The following REXO1 variants were observed in gnomAD, a reference collection of about 807,000 sequenced individuals.
The protein encoded by REXO1 is REX1, RNA exonuclease 1 homolog.
A neutral mutation model predicts 102.6 loss-of-function variants in REXO1; 42 were observed. The ratio of observed to expected loss-of-function variants is 0.41; its 90% CI spans 0.32 to 0.53. The LOEUF is 0.53. Among genes scored for constraint, REXO1 ranks in the 20% least tolerant of loss-of-function variants. The probability of loss-of-function intolerance (pLI) is 0.27; values close to 1 mark genes in which losing one functional copy is unlikely to be tolerated. For synonymous variants in REXO1, 908 were observed against 779.1 expected (o/e 1.17, Z -2.76); for missense variants, 1,819 against 1,732.5 (o/e 1.05, Z -0.89).
Position 1,820,106 on chromosome 19 carries a change from G to A in REXO1, c.2527-49C>T, listed in dbSNP as rs756182299. ...TGAGGCCATGCCTGCCTGGTGCCGG[G>A]GAGCCCCAGCGGTGGGGTCGCCATG... On this transcript the variant is annotated intron_variant, in intron 6 of 15. Coordinates refer to ENST00000170168, the MANE Select transcript of REXO1 (RefSeq NM_020695.4). 4 of 1,581,016 alleles carry A rather than the reference G, an allele frequency of 2.5e-6. No individual in the cohort carries two copies. The Admixed American group carries it at 8.0e-5, about 32-fold the overall frequency.
intron 1 of REXO1, 67 bp downstream of exon 1, chr19:1,848,135 G>A: frequency 3.7e-6 from 3 of 806,352 alleles, no homozygotes; most frequent in Non-Finnish European, 5.0e-6. Context: ...CCCCGGGCGG[G>A]ACCGGGGTGG....
At chr19:1,825,097 C>G (rs904426868) in intron 3 of REXO1, among the ~76,000 whole-genome samples, 2 of 149,578 alleles carry the variant, frequency 1.3e-5, no homozygotes, top group African/African-American at 4.9e-5. Context: ...AGGCAGATCA[C>G]GAGACCAGTC....
intron 7 of REXO1, 31 bp from the exon 8 acceptor site, chr19:1,819,162 G>C: frequency 6.6e-7 from 1 of 1,513,626 alleles, no homozygotes; most frequent in Non-Finnish European, 9.0e-7. Context: ...GGAGGAGGGT[G>C]TGAAGTAGCT....
In REXO1 at chr19:1,817,486, G is replaced by A. The variant is rs535950702; in HGVS notation, c.3091-157C>T. On this transcript the variant is annotated intron_variant, in intron 11 of 15. Transcript: ENST00000170168. ...GGTGAGCAGGTGGGGAAGGGGGCTT[G>A]CCAAGAAGACACAGGGAGGACGGCT... 1.5e-3 allele frequency: 2,254 copies of A among 1,472,848 alleles called. 6 individuals carry two copies. The highest frequency in any genetic ancestry group is 5.6e-3 in the Middle Eastern group (25 of 4,498). The allele number at this position is 1,472,848 out of a possible 1,614,324, so 91.2% of individuals were successfully genotyped here.
intron 1 of REXO1, among the ~76,000 whole-genome samples, chr19:1,828,869 C>T (rs1162244699): frequency 6.6e-6 from 1 of 152,242 alleles, no homozygotes; most frequent in Non-Finnish European, 1.5e-5. Flanking sequence ...GCCTGGGCTG[C>T]GTGACACACA....
Position 1,848,272 on chromosome 19 carries a change from G to C in REXO1, c.87C>G (p.Cys29Trp). The change falls in exon 1 of 16, where the codon TGC becomes TGG. Residue 29 changes from cysteine to tryptophan, a missense_variant. Transcript: ENST00000170168. ...CCCGGGCCCCGCGGTGCCGGAAGTG[G>C]CAGTAGGGCCGCCGGCAGGGCCCCC... The part of the protein sequence containing the change: ...APGGPCRRPY[C>W]HFRHRGARGS... The C allele has an allele frequency of 8.1e-7, 1 of 1,232,480 alleles. No individual in the cohort carries two copies. Among genetic ancestry groups the C allele is most frequent in the Non-Finnish European group, 1.0e-6 (1 of 982,786 alleles). The allele number at this position is 1,232,480 out of a possible 1,614,324, so 76.3% of individuals were successfully genotyped here.
chr19:1,825,808 C>G (rs1327095323), intron 3 of REXO1, 31 bp downstream of exon 3: 2 of 1,191,008 alleles, frequency 1.7e-6, no homozygotes, highest in Non-Finnish European at 2.4e-6. Flanking sequence ...AAAAAAAAGG[C>G]TCCTGCTGGC....
In REXO1 at chr19:1,821,669, G is replaced by C. The variant is rs373259089; in HGVS notation, c.2244C>G (p.Ala748=). The change falls in exon 5 of 16, where the codon GCC becomes GCG. Residue 748 remains alanine, a synonymous_variant. Coordinates refer to ENST00000170168, the MANE Select transcript of REXO1 (RefSeq NM_020695.4). ...TGCCGCTGGCCGCAAGGGTCCTCTTGGCACCTGTGGGGGCTGGCGGGGCAC... is the reference window on the plus strand; with the variant it reads ...TGCCGCTGGCCGCAAGGGTCCTCTTCGCACCTGTGGGGGCTGGCGGGGCAC... ...NPRLAAAPTG[A]KRTLAASGSQ... The C allele has an allele frequency of 6.2e-7, 1 of 1,612,224 alleles. No individual in the cohort carries two copies. The highest frequency in any genetic ancestry group is 1.1e-5 in the South Asian group (1 of 91,012).
Position 1,815,519 on chromosome 19 carries a change from C to T in REXO1, c.*547G>A, listed in dbSNP as rs910778140. The T allele has an allele frequency of 2.4e-5, 8 of 327,004 alleles. No individual in the cohort carries two copies. In the East Asian group the frequency reaches 3.3e-4, roughly 13 times the overall value. 20.3% of individuals were successfully genotyped at this position (327,004 alleles called of 1,614,324 possible). Reference sequence around the variant, plus strand: ...ACAGAGGCGGGTCCAGCCCACACTGCGCTGAGTGTGGCCCTGGCCCCCACT... The same window carrying T: ...ACAGAGGCGGGTCCAGCCCACACTGTGCTGAGTGTGGCCCTGGCCCCCACT... On this transcript the variant is annotated 3_prime_UTR_variant, in exon 16 of 16. Coordinates refer to ENST00000170168, the MANE Select transcript of REXO1 (RefSeq NM_020695.4). The surrounding 1 kb of genome is among the most constrained non-coding windows in gnomAD (Gnocchi z 4.0).
intron 1 of REXO1, among the ~76,000 whole-genome samples, chr19:1,829,450 T>C (rs2069844592): frequency 6.6e-6 from 1 of 151,496 alleles, no homozygotes; most frequent in African/African-American, 2.4e-5. Context: ...TGTTGGCCAG[T>C]CTCGAACTCC....
chr19:1,822,516 A>G (rs571567026), intron 4 of REXO1: 2 of 152,304 alleles, frequency 1.3e-5, no homozygotes, highest in Non-Finnish European at 2.9e-5. Context: ...GCCCTGCGGC[A>G]CTGCCAGCAC....
At chr19:1,818,457 G>C (rs758176521) in intron 10 of REXO1, 25 bp downstream of exon 10, 25 of 1,548,230 alleles carry the variant, frequency 1.6e-5, no homozygotes, top group Non-Finnish European at 2.0e-5. Context: ...GGGTGGGAAG[G>C]GGAAGGACCC....
chr19:1,822,422 G>C (rs901395062), intron 4 of REXO1: 4 of 152,352 alleles, frequency 2.6e-5, no homozygotes, highest in Non-Finnish European at 5.9e-5. Flanking sequence ...CTTCAGGAAC[G>C]GACAGAGAAC....
intron 1 of REXO1, chr19:1,834,810 G>A (rs2069994562): frequency 5.2e-6 from 1 of 192,466 alleles, no homozygotes; most frequent in Admixed American, 5.2e-5. Context: ...ACTCCCGGGT[G>A]GAGGCTGCTA....
At chr19:1,818,350 G>A (rs570467250) in intron 10 of REXO1, 132 bp downstream of exon 10, 46 of 667,282 alleles carry the variant, frequency 6.9e-5, no homozygotes, top group Non-Finnish European at 1.0e-4. Context: ...TGCCAAAGAC[G>A]GTGCAGCCCA....
rs888513508 is a variant in REXO1 at position 1,823,594 on chromosome 19, G to T, written c.2208C>A (p.Ile736=). Residue 736 remains isoleucine, a synonymous_variant, in exon 4 of 16, where the codon ATC becomes ATA. Transcript: ENST00000170168. ...APGEKRRIAH[I]PNPRLAAAPT... ...CACCTGCAGCCAGGCGGGGGTTGGG[G>T]ATGTGGGCGATCCTCCTCTTCTCGC... 2 of 1,322,476 alleles carry T rather than the reference G, an allele frequency of 1.5e-6. No individual in the cohort carries two copies. Among genetic ancestry groups the T allele is most frequent in the Non-Finnish European group, 1.9e-6 (2 of 1,028,342 alleles). The allele number at this position is 1,322,476 out of a possible 1,614,324, so 81.9% of individuals were successfully genotyped here. A position where few individuals can be genotyped will look rare whatever the true frequency, so the allele number is the denominator to read the frequency against.
chr19:1,829,857 G>A lies in REXO1; in HGVS notation c.158-1226C>T, dbSNP rs116121766. Among the ~76,000 whole-genome samples, 1,218 of 152,278 alleles carry A rather than the reference G, an allele frequency of 8.0e-3. 18 individuals carry two copies. The highest frequency in any genetic ancestry group is 0.028 in the African/African-American group (1,167 of 41,546). On this transcript the variant is annotated intron_variant, in intron 1 of 15. Coordinates refer to ENST00000170168, the MANE Select transcript of REXO1 (RefSeq NM_020695.4). Reference sequence around the variant, plus strand: ...GGAGTCTCACCATATTGGCCAGGCTGGCTTTGAACTCGTAGACTCAAGCAA... The same window carrying A: ...GGAGTCTCACCATATTGGCCAGGCTAGCTTTGAACTCGTAGACTCAAGCAA...
Position 1,827,587 on chromosome 19 carries a change from T to A in REXO1, c.1202A>T (p.Asp401Val). The A allele has an allele frequency of 6.3e-7, 1 of 1,592,336 alleles. No homozygotes were observed. The highest frequency in any genetic ancestry group is 8.5e-7 in the Non-Finnish European group (1 of 1,175,990). ...CTCCACAGGCCGCCCTCGGCCCTTG[T>A]CCTTGGTCTTGTCCTTCCCCTGGGC... Reference protein sequence around the residue: ...DGAQGKDKTKDKGRGRPVEKP... With the variant: ...DGAQGKDKTKVKGRGRPVEKP... The change falls in exon 2 of 16, where the codon GAC becomes GTC. Residue 401 changes from aspartate (D) to valine (V), a missense_variant. By Grantham distance (152) the Asp-to-Val change is radical (BLOSUM62 -3). Coordinates refer to ENST00000170168, the MANE Select transcript of REXO1 (RefSeq NM_020695.4).
intron 1 of REXO1, among the ~76,000 whole-genome samples, chr19:1,844,347 T>C (rs756027869): frequency 6.6e-6 from 1 of 152,036 alleles, no homozygotes; most frequent in Non-Finnish European, 1.5e-5. Context: ...ACTGCTGTGG[T>C]AGTGGCCAAG....
Sources: allele counts gnomAD v4.1 joint callset (sites outside exome capture counted in the v4.1 genomes callset), GRCh38; gene constraint gnomAD v4.1.1; non-coding constraint Gnocchi (gnomAD v3.1); transcripts MANE v1.5; gene names NCBI Gene and HGNC (gene_info 2026-07-23, HGNC 2026-07-21).